The following NINJ2 variants were observed in gnomAD, a reference collection of about 807,000 sequenced individuals.
The protein encoded by NINJ2 is ninjurin 2.
NINJ2 carries 12 observed loss-of-function variants against 11.7 expected under a neutral mutation model. The observed-to-expected ratio is 1.02, with a 90% CI of 0.66 to 1.66. NINJ2 has a LOEUF of 1.66. NINJ2 is among the 40% of genes most tolerant of loss of function. The pLI is 0.00. For synonymous variants in NINJ2, 93 were observed against 76.8 expected (o/e 1.21, Z -1.10); for missense variants, 187 against 181.8 (o/e 1.03, Z -0.16).
chr12:597,711 T>C (rs76363777), intron 1 of NINJ2, among the ~76,000 whole-genome samples: 4,050 of 152,264 alleles, frequency 0.027, 181 homozygotes, highest in African/African-American at 0.091. Flanking sequence ...ATGGAGGAGA[T>C]AGAATCTCAG....
chr12:593,782 A>C (rs982138855), intron 1 of NINJ2, among the ~76,000 whole-genome samples: 3 of 152,066 alleles, frequency 2.0e-5, no homozygotes, highest in African/African-American at 7.2e-5. Context: ...AGGAGGAGGA[A>C]GTGGAAGAAT....
intron 1 of NINJ2, among the ~76,000 whole-genome samples, chr12:653,490 T>C (rs1769227817): frequency 6.6e-6 from 1 of 151,920 alleles, no homozygotes; most frequent in South Asian, 2.1e-4. Flanking sequence ...ATGGAGGAAT[T>C]AGGATTGTTT....
intron 1 of NINJ2, among the ~76,000 whole-genome samples, chr12:649,939 C>T (rs1322843198): frequency 6.6e-6 from 1 of 152,150 alleles, no homozygotes; most frequent in Admixed American, 6.5e-5. Flanking sequence ...TATTTATTTA[C>T]AGATATATCA....
intron 1 of NINJ2, among the ~76,000 whole-genome samples, chr12:594,390 T>C (rs1947756280): frequency 1.3e-5 from 2 of 152,232 alleles, no homozygotes; most frequent in Non-Finnish European, 1.5e-5. Flanking sequence ...TCCATAAATA[T>C]GTACAGATAT....
chr12:662,035 T>C (rs1227954102), intron 1 of NINJ2, among the ~76,000 whole-genome samples: 8 of 152,166 alleles, frequency 5.3e-5, no homozygotes, highest in Non-Finnish European at 1.0e-4. Flanking sequence ...AGCAGTGCTA[T>C]GAAAGAAATT....
At position 651,956 on chromosome 12, in the gene NINJ2, A is replaced by G. The variant is rs186509301; in HGVS notation, c.33+11372T>C. Among the ~76,000 whole-genome samples, 7 of 152,370 alleles carry G rather than the reference A, an allele frequency of 4.6e-5. No homozygotes were observed. In the East Asian group the frequency reaches 1.3e-3, roughly 29 times the overall value. ...CAGACTATTCAAGAACTGTGGGACA[A>G]CTACAACAGGTATCATATATGTGTA... On this transcript the variant is annotated intron_variant, in intron 1 of 3. Transcript: ENST00000305108.
intron 1 of NINJ2, among the ~76,000 whole-genome samples, chr12:618,342 AAGGTGGGGGTGAGGAGTTGGTAATG>A (rs1948118003): frequency 3.0e-4 from 6 of 19,984 alleles, no homozygotes; most frequent in Admixed American, 1.1e-3. Flanking sequence ...AGTTGGTAAT[AAGGTGGGGGTGAGGAGTTGGTAATG>A]AGGTGGGGGT....
At chr12:616,176 G>C (rs917576783) in intron 1 of NINJ2, among the ~76,000 whole-genome samples, 1 of 152,204 alleles carries the variant, frequency 6.6e-6, no homozygotes, top group Non-Finnish European at 1.5e-5. Context: ...TTGAAGCAAA[G>C]TCCTATAGTC....
At chr12:622,014 T>C (rs1199665887) in intron 1 of NINJ2, among the ~76,000 whole-genome samples, 2 of 150,614 alleles carry the variant, frequency 1.3e-5, no homozygotes, top group South Asian at 2.1e-4. Flanking sequence ...TCCCAGCTGC[T>C]CAGGAGGCTG....
intron 1 of NINJ2, among the ~76,000 whole-genome samples, chr12:656,091 G>A (rs185264122): frequency 1.3e-5 from 2 of 152,028 alleles, no homozygotes; most frequent in South Asian, 2.1e-4. Flanking sequence ...CCCGCAGGGC[G>A]TAGTGGCTCG....
chr12:655,158 A>C (rs1444482732), intron 1 of NINJ2, among the ~76,000 whole-genome samples: 2 of 152,220 alleles, frequency 1.3e-5, no homozygotes, highest in Non-Finnish European at 2.9e-5. Flanking sequence ...GATTAGAAAC[A>C]GGCAAGGATG....
At chr12:618,420 CA>C (rs1565637568) in intron 1 of NINJ2, among the ~76,000 whole-genome samples, 1 of 149,834 alleles carries the variant, frequency 6.7e-6, no homozygotes, top group African/African-American at 2.5e-5. Flanking sequence ...TCTGGAACCC[CA>C]GAACAGCATT....
At chr12:567,239 G>A (rs965739017) in intron 1 of NINJ2, among the ~76,000 whole-genome samples, 18 of 152,058 alleles carry the variant, frequency 1.2e-4, no homozygotes, top group African/African-American at 3.6e-4. Context: ...GGGGAGAGAC[G>A]GATGGATTGA....
chr12:638,183 C>T (rs1010814435), intron 1 of NINJ2, among the ~76,000 whole-genome samples: 1 of 152,204 alleles, frequency 6.6e-6, no homozygotes, highest in South Asian at 2.1e-4. Flanking sequence ...TGCAGAGACA[C>T]CTGTGTGCTC....
chr12:620,102 C>T (rs1156456986), intron 1 of NINJ2, among the ~76,000 whole-genome samples: 1 of 152,224 alleles, frequency 6.6e-6, no homozygotes, highest in Non-Finnish European at 1.5e-5. Context: ...CTAAAGCGTC[C>T]TTTCATCCCT....
chr12:643,467 G>A (rs2120501445), intron 1 of NINJ2: 2 of 988,280 alleles, frequency 2.0e-6, no homozygotes, highest in East Asian at 2.3e-4. Flanking sequence ...GAGAAGGGAA[G>A]AAAGACCCGA....
intron 1 of NINJ2, among the ~76,000 whole-genome samples, chr12:619,132 G>A (rs1948125451): frequency 6.6e-6 from 1 of 152,176 alleles, no homozygotes; most frequent in African/African-American, 2.4e-5. Context: ...AATGGTCCAG[G>A]AGGGGGGCAG....
rs1937986527 is a variant in NINJ2, at chr12:663,419, C to T, written c.-59G>A. 1 of 1,614,118 alleles carries T rather than the reference C, an allele frequency of 6.2e-7. No homozygotes were observed. The highest frequency in any genetic ancestry group is 2.2e-5 in the East Asian group (1 of 44,882). On this transcript the variant is annotated 5_prime_UTR_variant, in exon 1 of 4. Transcript: ENST00000305108. ...GTGCCGGGAACAGACTGCGTGGGCTCCTCCAGGCTCCGCCGTCTGAGTCTC... is the reference window on the plus strand; with the variant it reads ...GTGCCGGGAACAGACTGCGTGGGCTTCTCCAGGCTCCGCCGTCTGAGTCTC...
intron 1 of NINJ2, among the ~76,000 whole-genome samples, chr12:662,386 C>A (rs11611524): frequency 1.3e-5 from 2 of 150,764 alleles, no homozygotes; most frequent in African/African-American, 4.9e-5. Flanking sequence ...TCACGCCACC[C>A]TGCCCAAAAC....
Sources: gnomAD v4.1 joint callset for allele counts (sites outside exome capture counted in the v4.1 genomes callset) on GRCh38, gnomAD v4.1.1 for gene constraint, MANE v1.5 for transcripts, NCBI Gene and HGNC (gene_info 2026-07-23, HGNC 2026-07-21) for gene names.